The following KATNIP variants were observed in gnomAD, a reference collection of about 807,000 sequenced individuals.
KATNIP encodes the protein katanin-interacting protein.
Under a neutral mutation model 174.0 loss-of-function variants are expected in KATNIP, and 126 were observed. That is an observed-to-expected ratio of 0.72 (90% CI 0.63 to 0.84). The LOEUF (loss-of-function observed/expected upper bound fraction) is 0.84, where lower values mean the gene tolerates loss of function less well. Among genes scored for constraint, KATNIP ranks in the 40% least tolerant of loss-of-function variants. The pLI, the probability that KATNIP is intolerant of heterozygous loss-of-function variation, is 0.00. For synonymous variants in KATNIP, 810 were observed against 835.7 expected, an observed-to-expected ratio of 0.97 and a Z score of 0.53; for missense variants, 1,958 against 2,109.7, an observed-to-expected ratio of 0.93 and a Z score of 1.41.
At chr16:27,584,982 G>A (rs2090838708) in intron 2 of KATNIP, among the ~76,000 whole-genome samples, 1 of 152,122 alleles carries the variant, frequency 6.6e-6, no homozygotes, top group African/African-American at 2.4e-5. Context: ...CTGGCAAAGT[G>A]GCAAGAACAT....
intron 7 of KATNIP, among the ~76,000 whole-genome samples, chr16:27,681,030 CTA>C (rs1426635237): frequency 2.0e-5 from 3 of 152,128 alleles, no homozygotes; most frequent in African/African-American, 7.2e-5. Flanking sequence ...CAGGGTCTCA[CTA>C]TGTTACCTAG....
intron 5 of KATNIP, among the ~76,000 whole-genome samples, chr16:27,645,360 A>G (rs2076928539): frequency 6.6e-6 from 1 of 152,186 alleles, no homozygotes; most frequent in South Asian, 2.1e-4. Context: ...GGGAGGCTAG[A>G]TGACTTGCTC....
intron 2 of KATNIP, among the ~76,000 whole-genome samples, chr16:27,600,521 C>T (rs1324456762): frequency 6.6e-6 from 1 of 152,164 alleles, no homozygotes; most frequent in Non-Finnish European, 1.5e-5. Context: ...CACTCTCCAC[C>T]CCAGCCCAAG....
At chr16:27,560,110 C>T (rs1596712167) in intron 1 of KATNIP, among the ~76,000 whole-genome samples, 1 of 152,034 alleles carries the variant, frequency 6.6e-6, no homozygotes, top group Non-Finnish European at 1.5e-5. Context: ...GGTGAAACCC[C>T]GTCTCCACTA....
intron 13 of KATNIP, among the ~76,000 whole-genome samples, chr16:27,713,820 A>ATGTGTGTGTGTGTGTGTG (rs1567336934): frequency 2.6e-5 from 1 of 37,752 alleles, no homozygotes; most frequent in African/African-American, 1.5e-4. Context: ...ATATATATAT[A>ATGTGTGTGTGTGTGTGTG]TATATATATA....
intron 1 of KATNIP, among the ~76,000 whole-genome samples, chr16:27,552,785 C>T (rs1337174330): frequency 6.7e-6 from 1 of 148,428 alleles, no homozygotes; most frequent in Non-Finnish European, 1.5e-5. Context: ...ACCTCCGCCT[C>T]CCGGGTTCAA....
intron 6 of KATNIP, among the ~76,000 whole-genome samples, chr16:27,671,484 C>A (rs2077901034): frequency 6.6e-6 from 1 of 152,194 alleles, no homozygotes; most frequent in Non-Finnish European, 1.5e-5. Flanking sequence ...GGACCATTCT[C>A]TATTATAAAG....
intron 23 of KATNIP, among the ~76,000 whole-genome samples, chr16:27,773,735 A>C (rs894632282): frequency 3.3e-5 from 5 of 152,210 alleles, no homozygotes; most frequent in African/African-American, 1.2e-4. Context: ...AATTGGCAAC[A>C]CAGGCCCTTG....
chr16:27,755,790 G>GC (rs1567406090), intron 18 of KATNIP: 3 of 152,124 alleles, frequency 2.0e-5, no homozygotes, highest in Non-Finnish European at 1.5e-5. Flanking sequence ...CCACCACCAC[G>GC]CCCGGCTAAT....
intron 13 of KATNIP, among the ~76,000 whole-genome samples, chr16:27,709,609 A>G (rs141198558): frequency 6.6e-6 from 1 of 152,326 alleles, no homozygotes; most frequent in East Asian, 1.9e-4. Context: ...ACTGCATTCC[A>G]GCCTGGGTGA....
intron 2 of KATNIP, among the ~76,000 whole-genome samples, chr16:27,584,861 T>C (rs1404424341): frequency 6.6e-6 from 1 of 151,998 alleles, no homozygotes; most frequent in Non-Finnish European, 1.5e-5. Flanking sequence ...AGGCAAGGAA[T>C]ATTATCCTTA....
intron 17 of KATNIP, among the ~76,000 whole-genome samples, chr16:27,752,971 A>G (rs2081574394): frequency 6.6e-6 from 1 of 152,232 alleles, no homozygotes; most frequent in South Asian, 2.1e-4. Flanking sequence ...AACACAAGCC[A>G]CAAGGGATGG....
At chr16:27,571,233 A>G (rs1318873087) in intron 1 of KATNIP, among the ~76,000 whole-genome samples, 2 of 152,096 alleles carry the variant, frequency 1.3e-5, no homozygotes, top group Non-Finnish European at 1.5e-5. Flanking sequence ...GGGTTTCACC[A>G]TGTTGACCAG....
intron 3 of KATNIP, among the ~76,000 whole-genome samples, chr16:27,622,027 A>C (rs1299376244): frequency 6.6e-6 from 1 of 152,050 alleles, no homozygotes; most frequent in Admixed American, 6.6e-5. Flanking sequence ...GGCGCAGTCT[A>C]CTGGCCGTTC....
chr16:27,701,536 T>C, intron 10 of KATNIP, 53 bp from the exon 11 acceptor site: 1 of 1,394,410 alleles, frequency 7.2e-7, no homozygotes, highest in Non-Finnish European at 9.9e-7. Flanking sequence ...TGCTGTGTCT[T>C]AGGCCAGGAG....
rs754509696 is a variant in KATNIP at position 27,740,279 on chromosome 16, C to T, written c.1982C>T (p.Pro661Leu). ...AAGGAGCTTGGTCTCGGTTGCTCAC[C>T]GCCAGCTGAAACATTAGCGGATGCA... ...GDKELGLGCS[P>L]PAETLADAKL... is the part of the protein sequence containing the mutation. The change falls in exon 15 of 28, where the codon CCG (proline) becomes CTG (leucine). Residue 661 changes from proline (P) to leucine (L), a missense_variant. Physicochemically the swap from Pro to Leu is moderately conservative, Grantham distance 98. Coordinates refer to ENST00000261588, the MANE Select transcript of KATNIP (RefSeq NM_015202.5). 13 of 1,614,190 alleles carry T rather than the reference C, an allele frequency of 8.1e-6. No individual in the cohort carries two copies. The highest frequency in any genetic ancestry group is 5.0e-5 in the Admixed American group (3 of 60,022).
At chr16:27,624,985 T>G (rs1407096206) in intron 3 of KATNIP, among the ~76,000 whole-genome samples, 1 of 152,136 alleles carries the variant, frequency 6.6e-6, no homozygotes, top group African/African-American at 2.4e-5. Context: ...TGGAAAAAGT[T>G]GAACCGGCAA....
chr16:27,616,310 C>G (rs975349811), intron 2 of KATNIP, among the ~76,000 whole-genome samples: 10 of 152,006 alleles, frequency 6.6e-5, no homozygotes, highest in Admixed American at 6.6e-4. Flanking sequence ...TTGCAGTGAG[C>G]CAAGATTGTG....
chr16:27,676,883 G>A (rs1317116046), intron 6 of KATNIP, among the ~76,000 whole-genome samples: 1 of 152,238 alleles, frequency 6.6e-6, no homozygotes, highest in East Asian at 1.9e-4. Context: ...TGTTGCCCAG[G>A]CTGGTCTTGA....
Sources: gnomAD v4.1 joint callset for allele counts (sites outside exome capture counted in the v4.1 genomes callset) on GRCh38, gnomAD v4.1.1 for gene constraint, MANE v1.5 for transcripts, NCBI Gene and HGNC (gene_info 2026-07-23, HGNC 2026-07-21) for gene names.